MACROD2: variants seen among roughly 807,000 people sequenced by gnomAD.
The protein encoded by MACROD2 is ADP-ribose glycohydrolase MACROD2.
In MACROD2, 36 loss-of-function variants were observed where a neutral mutation model predicts 70.4. That is an observed-to-expected ratio of 0.51 (90% CI 0.39 to 0.68). The LOEUF (loss-of-function observed/expected upper bound fraction) is 0.68, where lower values mean the gene tolerates loss of function less well. MACROD2 is among the 30% of genes least tolerant of loss of function. MACROD2 has a pLI of 0.00. For synonymous variants in MACROD2, 172 were observed against 178.8 expected, an observed-to-expected ratio of 0.96 and a Z score of 0.30; for missense variants, 496 against 538.4, an observed-to-expected ratio of 0.92 and a Z score of 0.78.
At chr20:15,439,258 C>T in intron 7 of MACROD2, among the ~76,000 whole-genome samples, 1 of 152,162 alleles carries the variant, frequency 6.6e-6, no homozygotes. Context: ...TCTCACACAC[C>T]TGTTTGCTTT....
intron 3 of MACROD2, among the ~76,000 whole-genome samples, chr20:14,379,015 C>T (rs1016747477): frequency 1.3e-5 from 2 of 152,292 alleles, no homozygotes; most frequent in Admixed American, 6.5e-5. Context: ...ATGCTTTTCT[C>T]CGAGCACTTT....
At chr20:14,541,827 T>C (rs537144472) in intron 4 of MACROD2, among the ~76,000 whole-genome samples, 1 of 152,304 alleles carries the variant, frequency 6.6e-6, no homozygotes, top group South Asian at 2.1e-4. Context: ...GTCTTAAATG[T>C]CTTAAAAATA....
intron 6 of MACROD2, among the ~76,000 whole-genome samples, chr20:15,356,847 C>T (rs2423953): frequency 0.18 from 27,019 of 152,146 alleles, 2,828 homozygotes; most frequent in East Asian, 0.47. Flanking sequence ...GATAATTTGT[C>T]CTGTAGCCAA....
chr20:14,995,636 C>T (rs1187303936), intron 5 of MACROD2, among the ~76,000 whole-genome samples: 1 of 152,114 alleles, frequency 6.6e-6, no homozygotes, highest in Non-Finnish European at 1.5e-5. Flanking sequence ...TATACAGTGT[C>T]ATACGCTGTC....
intron 4 of MACROD2, among the ~76,000 whole-genome samples, chr20:14,546,638 T>C (rs766614755): frequency 3.0e-4 from 45 of 152,276 alleles, no homozygotes; most frequent in Admixed American, 7.9e-4. Context: ...CTCTTCCCCC[T>C]ACCTGGATGG....
intron 8 of MACROD2, among the ~76,000 whole-genome samples, chr20:15,743,456 T>G (rs777324946): frequency 1.3e-5 from 2 of 152,204 alleles, no homozygotes; most frequent in Non-Finnish European, 2.9e-5. Flanking sequence ...ATATTCCCCA[T>G]GTCTATGTCT....
intron 5 of MACROD2, among the ~76,000 whole-genome samples, chr20:14,788,682 C>A (rs1306627059): frequency 6.7e-6 from 1 of 150,080 alleles, no homozygotes; most frequent in Non-Finnish European, 1.5e-5. Flanking sequence ...TTTATTTGAA[C>A]CCTGGAAGAT....
At chr20:14,459,822 C>G (rs935688486) in intron 3 of MACROD2, among the ~76,000 whole-genome samples, 1 of 152,032 alleles carries the variant, frequency 6.6e-6, no homozygotes, top group Non-Finnish European at 1.5e-5. Context: ...GTCTGCTGCA[C>G]CCATCAACCC....
chr20:14,742,840 C>T (rs1024709112), intron 5 of MACROD2, among the ~76,000 whole-genome samples: 1 of 151,192 alleles, frequency 6.6e-6, no homozygotes, highest in Non-Finnish European at 1.5e-5. Flanking sequence ...GATCTCGGCT[C>T]ACTGCAAGCT....
At chr20:14,015,166 A>T (rs1342469989) in intron 2 of MACROD2, among the ~76,000 whole-genome samples, 2 of 152,182 alleles carry the variant, frequency 1.3e-5, no homozygotes, top group Non-Finnish European at 2.9e-5. Context: ...GGTAAAATAT[A>T]CATAACATAG....
chr20:14,879,832 A>G (rs2026093), intron 5 of MACROD2, among the ~76,000 whole-genome samples: 138,023 of 152,064 alleles, frequency 0.91, 62,820 homozygotes, highest in East Asian at 1. Flanking sequence ...AAAACAAACT[A>G]CGAAAATAAT....
intron 5 of MACROD2, among the ~76,000 whole-genome samples, chr20:14,780,439 G>A (rs2208082): frequency 0.48 from 72,098 of 151,404 alleles, 18,546 homozygotes; most frequent in Middle Eastern, 0.58. Context: ...ACGCATGCCG[G>A]TAATCCCAGC....
chr20:14,221,867 A>T (rs2081678003), intron 3 of MACROD2, among the ~76,000 whole-genome samples: 1 of 152,256 alleles, frequency 6.6e-6, no homozygotes, highest in South Asian at 2.1e-4. Context: ...GACAACAAGC[A>T]TACAAAAAAT....
At chr20:14,062,137 CCTTT>C (rs2053697960) in intron 2 of MACROD2, among the ~76,000 whole-genome samples, 1 of 152,052 alleles carries the variant, frequency 6.6e-6, no homozygotes, top group South Asian at 2.1e-4. Flanking sequence ...TTGATATAAG[CCTTT>C]CTATTATTGT....
intron 3 of MACROD2, among the ~76,000 whole-genome samples, chr20:14,385,585 C>T (rs1381224289): frequency 1.3e-5 from 2 of 152,116 alleles, no homozygotes; most frequent in African/African-American, 4.8e-5. Flanking sequence ...GTATCTGTTT[C>T]CTTAACTGAT....
chr20:15,859,012 A>G (rs1156772707), intron 8 of MACROD2, among the ~76,000 whole-genome samples: 1 of 152,206 alleles, frequency 6.6e-6, no homozygotes, highest in African/African-American at 2.4e-5. Context: ...TAGAAGCCTT[A>G]CAGATAACAT....
chr20:15,196,004 C>T (rs2076603903), intron 5 of MACROD2, among the ~76,000 whole-genome samples: 1 of 152,156 alleles, frequency 6.6e-6, no homozygotes, highest in Admixed American at 6.6e-5. Flanking sequence ...ACTGCATGTT[C>T]TCACTTATAA....
At chr20:14,784,688 A>T (rs1403267060) in intron 5 of MACROD2, among the ~76,000 whole-genome samples, 3 of 144,378 alleles carry the variant, frequency 2.1e-5, no homozygotes, top group African/African-American at 7.7e-5. Context: ...GGGGCACCAG[A>T]TTCAGTTACC....
intron 3 of MACROD2, among the ~76,000 whole-genome samples, chr20:14,372,188 A>G (rs1255634607): frequency 6.6e-6 from 1 of 152,184 alleles, no homozygotes; most frequent in African/African-American, 2.4e-5. Context: ...GTACTACATC[A>G]TGCTGTCCTA....
Sources: gnomAD v4.1 joint callset for allele counts (sites outside exome capture counted in the v4.1 genomes callset) on GRCh38, gnomAD v4.1.1 for gene constraint, MANE v1.5 for transcripts, NCBI Gene and HGNC (gene_info 2026-07-23, HGNC 2026-07-21) for gene names.